Variants in NOTCH2NLB observed in about 807,000 individuals in gnomAD.
The protein encoded by NOTCH2NLB is notch homolog 2 N-terminal-like protein B.
A neutral mutation model predicts 14.8 loss-of-function variants in NOTCH2NLB; 1 was observed. That is an observed-to-expected ratio of 0.07 (90% CI 0.02 to 0.32). The LOEUF is 0.32. Ranked by LOEUF, NOTCH2NLB falls within the 10% of genes least tolerant of loss-of-function variation. NOTCH2NLB has a pLI of 1.00. For synonymous variants in NOTCH2NLB, 6 were observed against 57.5 expected (o/e 0.10, Z 4.05); for missense variants, 11 against 155.0 (o/e 0.07, Z 4.93).
At chr1:148,625,705 G>A (rs1441424115) in intron 2 of NOTCH2NLB, among the ~76,000 whole-genome samples, 1 of 114,478 alleles carries the variant, frequency 8.7e-6, no homozygotes, top group African/African-American at 4.0e-5. Context: ...AGCTCTAGAG[G>A]GGGGAGCTGT....
At chr1:148,673,503 A>G (rs1400208256) in intron 1 of NOTCH2NLB, among the ~76,000 whole-genome samples, 1 of 90,018 alleles carries the variant, frequency 1.1e-5, no homozygotes, top group African/African-American at 3.7e-5. Context: ...TGAGGACAGA[A>G]TTCTTTAGTG....
At chr1:148,675,045 C>G in intron 1 of NOTCH2NLB, among the ~76,000 whole-genome samples, 1 of 89,494 alleles carries the variant, frequency 1.1e-5, no homozygotes, top group Non-Finnish European at 2.5e-5. Flanking sequence ...GATGAAATTA[C>G]AATAAGGTGT....
Position 148,625,512 on chromosome 1 carries a change from GA to G in NOTCH2NLB, c.78-9563del, listed in dbSNP as rs1201382427. On this transcript the variant is annotated intron_variant, in intron 2 of 4. Coordinates refer to ENST00000593495, the Ensembl canonical transcript of NOTCH2NLB. ...ACTATACAGAATGTGGAACGAAGGG[GA>G]AAAAAAAGTCTCATGTGGGTTGCGT... 1.3e-4 allele frequency among the ~76,000 whole-genome samples: 13 copies of G among 101,816 alleles called. 1 individual carries two copies. The highest frequency in any genetic ancestry group is 5.1e-4 in the African/African-American group (11 of 21,430). 66.8% of individuals were successfully genotyped at this position (101,816 alleles called of 152,430 possible).
intron 1 of NOTCH2NLB, among the ~76,000 whole-genome samples, chr1:148,650,521 T>TGACTCATA (rs1664475779): frequency 6.6e-6 from 1 of 152,004 alleles, no homozygotes; most frequent in South Asian, 2.1e-4. Context: ...CCTAAACCCT[T>TGACTCATA]GACTCATAGC....
the NOTCH2NLB span, among the ~76,000 whole-genome samples, chr1:148,601,492 CTGCTTAA>C: frequency 6.6e-6 from 1 of 151,828 alleles, no homozygotes; most frequent in African/African-American, 2.4e-5. Flanking sequence ...AGGGAGTCTA[CTGCTTAA>C]AGCCAATTCA....
At chr1:148,610,372 A>AGAAAGAAAGAAAGAAAG (rs1663659022) in intron 3 of NOTCH2NLB, among the ~76,000 whole-genome samples, 1 of 98,718 alleles carries the variant, frequency 1.0e-5, no homozygotes, top group Admixed American at 1.0e-4. Context: ...AAAGAAAGAA[A>AGAAAGAAAGAAAGAAAG]GAGAAAGAAA....
chr1:148,609,167 A>C (rs1292485706), intron 3 of NOTCH2NLB, among the ~76,000 whole-genome samples: 3 of 137,570 alleles, frequency 2.2e-5, no homozygotes, highest in African/African-American at 8.6e-5. Flanking sequence ...ACATATGTAT[A>C]TATGTGCCAT....
At chr1:148,674,474 C>T (rs1387851502) in intron 1 of NOTCH2NLB, among the ~76,000 whole-genome samples, 3 of 52,180 alleles carry the variant, frequency 5.7e-5, no homozygotes, top group African/African-American at 2.0e-4. Flanking sequence ...AAAATTTCAG[C>T]CACTCCTTAA....
intron 2 of NOTCH2NLB, among the ~76,000 whole-genome samples, chr1:148,631,352 CTG>C (rs1664106403): frequency 1.1e-5 from 1 of 88,582 alleles, no homozygotes; most frequent in South Asian, 4.7e-4. Flanking sequence ...AAGTAGAAGA[CTG>C]TTTAGGAGAA....
At chr1:148,708,168 G>A in the NOTCH2NLB span, among the ~76,000 whole-genome samples, 61 of 45,196 alleles carry the variant, frequency 1.3e-3, 8 homozygotes, top group South Asian at 4.0e-3. Context: ...ATTACATACA[G>A]CATTGATACT....
chr1:148,613,197 T>C (rs1663744746), intron 3 of NOTCH2NLB, among the ~76,000 whole-genome samples: 1 of 149,022 alleles, frequency 6.7e-6, no homozygotes, highest in Non-Finnish European at 1.5e-5. Flanking sequence ...TGGGGACTAG[T>C]GTGTTTCCGG....
At chr1:148,615,210 C>G (rs1323140663) in intron 3 of NOTCH2NLB, among the ~76,000 whole-genome samples, 97 of 123,866 alleles carry the variant, frequency 7.8e-4, no homozygotes, top group Middle Eastern at 5.2e-3. Flanking sequence ...TCATAGCTCA[C>G]TGCAGCCTCA....
chr1:148,712,530 A>C, the NOTCH2NLB span, among the ~76,000 whole-genome samples: 1 of 152,418 alleles, frequency 6.6e-6, no homozygotes, highest in South Asian at 2.1e-4. Context: ...GGGCACTCCT[A>C]TACTGGATAT....
At chr1:148,609,101 T>C (rs1286279027) in intron 3 of NOTCH2NLB, among the ~76,000 whole-genome samples, 1 of 139,380 alleles carries the variant, frequency 7.2e-6, no homozygotes, top group African/African-American at 2.8e-5. Flanking sequence ...ATTATTATTA[T>C]TATTATTATT....
At chr1:148,622,262 C>T (rs2149606413) in intron 2 of NOTCH2NLB, among the ~76,000 whole-genome samples, 1 of 104,212 alleles carries the variant, frequency 9.6e-6, no homozygotes, top group African/African-American at 4.7e-5. Context: ...CCCAGCTACT[C>T]AGGAGGCTGA....
chr1:148,609,561 T>G (rs1488361071), intron 3 of NOTCH2NLB, among the ~76,000 whole-genome samples: 1 of 138,838 alleles, frequency 7.2e-6, no homozygotes, highest in Non-Finnish European at 1.6e-5. Context: ...AACATACGTG[T>G]GCATGTGTCT....
At chr1:148,705,942 C>CT in the NOTCH2NLB span, among the ~76,000 whole-genome samples, 13 of 5,136 alleles carry the variant, frequency 2.5e-3, no homozygotes, top group South Asian at 0.013. Context: ...ACAGAAAGTT[C>CT]TTTTTTTTTT....
chr1:148,649,572 G>A (rs1458224397), intron 1 of NOTCH2NLB, among the ~76,000 whole-genome samples: 9 of 147,570 alleles, frequency 6.1e-5, no homozygotes, highest in East Asian at 2.0e-4. Context: ...GTGCAGTGGC[G>A]CAATCTCAGC....
intron 1 of NOTCH2NLB, among the ~76,000 whole-genome samples, chr1:148,670,539 A>AAATATATATATACATATAT (rs1445301786): frequency 1.3e-4 from 12 of 93,450 alleles, no homozygotes; most frequent in African/African-American, 5.2e-4. Context: ...TAAAAAAAAA[A>AAATATATATATACATATAT]ATATATATAT....
Sources: allele counts gnomAD v4.1 joint callset (sites outside exome capture counted in the v4.1 genomes callset), GRCh38; gene constraint gnomAD v4.1.1; transcripts MANE v1.5; gene names NCBI Gene and HGNC (gene_info 2026-07-23, HGNC 2026-07-21).